Variants in KAT6A observed in about 807,000 individuals in gnomAD.
The protein encoded by KAT6A is histone acetyltransferase KAT6A.
Under a neutral mutation model 198.4 loss-of-function variants are expected in KAT6A, and 9 were observed. The ratio of observed to expected loss-of-function variants is 0.05; its 90% CI spans 0.03 to 0.08. KAT6A has a LOEUF of 0.08. KAT6A is among the 10% of genes least tolerant of loss of function. KAT6A has a pLI of 1.00. For missense variants in KAT6A, 2,077 were observed against 2,509.9 expected, an observed-to-expected ratio of 0.83 and a Z score of 3.69; for synonymous variants, 890 against 883.0, an observed-to-expected ratio of 1.01 and a Z score of -0.14.
chr8:41,987,437 CAG>C lies in KAT6A; in HGVS notation c.709+16_709+17del, dbSNP rs1824674338. On this transcript the variant is annotated intron_variant, in intron 3 of 16. Transcript: ENST00000265713. ...TTCGTAACACATTTTAGAAGAAAAA[CAG>C]AAGGAAATCACATACCACTGTTGCC... The C allele has an allele frequency of 1.4e-6, 2 of 1,473,844 alleles. No individual in the cohort carries two copies. The highest frequency in any genetic ancestry group is 1.4e-5 in the African/African-American group (1 of 71,384). The allele number at this position is 1,473,844 out of a possible 1,614,324, so 91.3% of individuals were successfully genotyped here. A position where few individuals can be genotyped will look rare whatever the true frequency, so the allele number is the denominator to read the frequency against.
At chr8:42,045,197 T>C (rs888669397) in intron 2 of KAT6A, among the ~76,000 whole-genome samples, 1 of 152,148 alleles carries the variant, frequency 6.6e-6, no homozygotes, top group Non-Finnish European at 1.5e-5. Context: ...AGTTTTCCAA[T>C]GAGATTAGTA....
At chr8:41,949,941 T>C (rs1162880511) in intron 9 of KAT6A, among the ~76,000 whole-genome samples, 2 of 152,196 alleles carry the variant, frequency 1.3e-5, no homozygotes, top group African/African-American at 4.8e-5. Context: ...TAAACTGTCA[T>C]TCAATTCAGC....
intron 8 of KAT6A, among the ~76,000 whole-genome samples, chr8:41,960,714 T>C (rs12550098): frequency 0.1 from 15,919 of 152,026 alleles, 1,068 homozygotes; most frequent in East Asian, 0.24. Flanking sequence ...CCATTAAATA[T>C]TGACAAAATC....
In KAT6A at chr8:42,049,056, A is replaced by G; in HGVS notation, c.-79T>C. 1 of 1,442,356 alleles carries G rather than the reference A, an allele frequency of 6.9e-7. No individual in the cohort carries two copies. The highest frequency in any genetic ancestry group is 1.4e-5 in the South Asian group (1 of 74,060). The allele number at this position is 1,442,356 out of a possible 1,614,324, so 89.3% of individuals were successfully genotyped here. On this transcript the variant is annotated 5_prime_UTR_variant, in exon 2 of 17. Coordinates refer to ENST00000265713, the MANE Select transcript of KAT6A (RefSeq NM_006766.5). The stretch of plus-strand genomic sequence containing the variant: ...TAAGTTTTACACCATGGAAAACAAG[A>G]TTCTCGGAGGCTGGGAACCAGTTAA...
At chr8:42,031,672 C>G (rs1027530003) in intron 2 of KAT6A, among the ~76,000 whole-genome samples, 1 of 135,136 alleles carries the variant, frequency 7.4e-6, no homozygotes, top group Non-Finnish European at 1.5e-5. Flanking sequence ...CTCTGTCGCC[C>G]AGGCTGAAGT....
chr8:42,048,699 A>G lies in KAT6A; in HGVS notation c.279T>C (p.Asn93=). 3 of 1,614,178 alleles carry G rather than the reference A, an allele frequency of 1.9e-6. No homozygotes were observed. Among genetic ancestry groups the G allele is most frequent in the Non-Finnish European group, 2.5e-6 (3 of 1,180,018 alleles). The stretch of plus-strand genomic sequence containing the variant: ...GTTTATTCCAATCCACATTTTGTTT[A>G]TTATCCAATTTTCCATGGTTCCGAG... The part of the protein sequence containing the change: ...PKPRNHGKLD[N]KQNVDWNKLI... Residue 93 remains asparagine (N), a synonymous_variant, in exon 2 of 17, where the codon AAT becomes AAC. Coordinates refer to ENST00000265713, the MANE Select transcript of KAT6A (RefSeq NM_006766.5).
At chr8:41,966,145 T>C (rs1311914852) in intron 8 of KAT6A, among the ~76,000 whole-genome samples, 2 of 152,072 alleles carry the variant, frequency 1.3e-5, no homozygotes, top group Non-Finnish European at 2.9e-5. Flanking sequence ...CACTATGCCA[T>C]TCATGCAGTG....
At chr8:42,045,789 T>C (rs1233718474) in intron 2 of KAT6A, among the ~76,000 whole-genome samples, 1 of 139,364 alleles carries the variant, frequency 7.2e-6, no homozygotes, top group Admixed American at 7.5e-5. Context: ...CTAGCCAACA[T>C]GGTGAAACCC....
Position 41,934,440 on chromosome 8 carries a change from A to C in KAT6A, c.3780T>G (p.Ser1260Arg). The C allele has an allele frequency of 6.2e-7, 1 of 1,608,202 alleles. No homozygotes were observed. The highest frequency in any genetic ancestry group is 8.5e-7 in the Non-Finnish European group (1 of 1,177,054). Residue 1260 changes from serine (S) to arginine (R), a missense_variant, in exon 17 of 17, where the codon AGT becomes AGG. By Grantham distance (110) the Ser-to-Arg change is moderately radical (BLOSUM62 -1). Transcript: ENST00000265713. ...PAASPADSSN[S>R]PETETKEPEV... Reference sequence around the variant, plus strand: ...CAGGCTCCTTGGTTTCGGTCTCAGGACTATTGCTGCTGTCTGCTGGAGAGG... The same window carrying C: ...CAGGCTCCTTGGTTTCGGTCTCAGGCCTATTGCTGCTGTCTGCTGGAGAGG...
chr8:41,944,725 C>T (rs1002684172), intron 12 of KAT6A, among the ~76,000 whole-genome samples: 6 of 152,220 alleles, frequency 3.9e-5, no homozygotes, highest in African/African-American at 1.4e-4. Context: ...ATACCATACA[C>T]ACACACCCCC....
chr8:41,984,326 C>G (rs1824500344), intron 3 of KAT6A, among the ~76,000 whole-genome samples: 1 of 152,190 alleles, frequency 6.6e-6, no homozygotes, highest in South Asian at 2.1e-4. Context: ...CTCAGACACT[C>G]ATCGGGGGAG....
intron 8 of KAT6A, among the ~76,000 whole-genome samples, chr8:41,973,212 C>T (rs1232577780): frequency 6.6e-6 from 1 of 152,114 alleles, no homozygotes; most frequent in Non-Finnish European, 1.5e-5. Context: ...CTAGAACCCT[C>T]GGCATCAGCC....
At chr8:41,942,406 A>G (rs1389679605) in intron 14 of KAT6A, 1 of 264,956 alleles carries the variant, frequency 3.8e-6, no homozygotes, top group Non-Finnish European at 7.3e-6. Context: ...TGGGCCTCCT[A>G]AAGCGCTGAG....
In KAT6A at chr8:42,036,612, C is replaced by CA. The variant is rs953406602; in HGVS notation, c.600+11765dup. 2.0e-4 allele frequency among the ~76,000 whole-genome samples: 29 copies of CA among 144,186 alleles called. No homozygotes were observed. In the East Asian group the frequency reaches 2.8e-3, roughly 14 times the overall value. The allele number at this position is 144,186 out of a possible 152,430, so 94.6% of individuals were successfully genotyped here. On this transcript the variant is annotated intron_variant, in intron 2 of 16. Coordinates refer to ENST00000265713, the MANE Select transcript of KAT6A (RefSeq NM_006766.5). ...TGGGTGACAGAGCAAGACTCCAACT[C>CA]AAAAAAAAAAGGAGAAGGTGGTAAA...
chr8:41,938,401 C>G (rs1821950194), intron 15 of KAT6A, among the ~76,000 whole-genome samples: 1 of 152,146 alleles, frequency 6.6e-6, no homozygotes. Context: ...TGACAAAGAT[C>G]TATTCTTCAT....
chr8:41,940,975 A>G lies in KAT6A; in HGVS notation c.2906T>C (p.Leu969Pro). The G allele has an allele frequency of 6.2e-7, 1 of 1,614,172 alleles. No individual in the cohort carries two copies. Among genetic ancestry groups the G allele is most frequent in the Non-Finnish European group, 8.5e-7 (1 of 1,180,036 alleles). Residue 969 changes from leucine (L) to proline (P), a missense_variant, in exon 15 of 17, where the codon CTG (leucine) becomes CCG (proline). Physicochemically the swap from Leu to Pro is moderately conservative, Grantham distance 98. Transcript: ENST00000265713. ...GTCACCCTCACTGTAGCGACGGGGC[A>G]GCCTCTCACTTCCTTCTGTTAATCT... ...KCRLTEGSERLPRRYSEGDRA... is the reference protein window; with the variant it reads ...KCRLTEGSERPPRRYSEGDRA...
At chr8:42,027,345 T>C (rs1658821755) in intron 2 of KAT6A, among the ~76,000 whole-genome samples, 1 of 152,198 alleles carries the variant, frequency 6.6e-6, no homozygotes, top group African/African-American at 2.4e-5. Context: ...TTTGGAATAG[T>C]TTGAGAAAAA....
chr8:41,934,091 G>T lies in KAT6A; in HGVS notation c.4129C>A (p.Gln1377Lys), dbSNP rs905649225. The T allele has an allele frequency of 6.2e-7, 1 of 1,613,966 alleles. No individual in the cohort carries two copies. The highest frequency in any genetic ancestry group is 1.3e-5 in the African/African-American group (1 of 74,924). The change falls in exon 17 of 17, where the codon CAG (glutamine) becomes AAG (lysine). Residue 1377 changes from glutamine (Q) to lysine (K), a missense_variant. This residue lies in a region of KAT6A where 178 missense variants were observed against 220.8 expected (regional missense o/e 0.81). Transcript: ENST00000265713. The stretch of plus-strand genomic sequence containing the variant: ...ACCACGGACGTGTCATGGGAAGGCT[G>T]CTCCTCTTCGGAATCCAGCTCGGTT... ...EETELDSEEE[Q>K]PSHDTSVVSE...
In KAT6A at chr8:41,954,360, T is replaced by C. The variant is rs1258827507; in HGVS notation, c.1598+936A>G. ...TTTTGCTAATATTTTGGCCAGGCAA[T>C]GTTACTACATGGGTGAAAACTTACA... On this transcript the variant is annotated intron_variant, in intron 9 of 16. Coordinates refer to ENST00000265713, the MANE Select transcript of KAT6A (RefSeq NM_006766.5). Among the ~76,000 whole-genome samples the C allele has an allele frequency of 2.0e-5, 3 of 152,366 alleles. No homozygotes were observed. The East Asian group carries it at 5.8e-4, about 29-fold the overall frequency.
Sources: allele counts gnomAD v4.1 joint callset (sites outside exome capture counted in the v4.1 genomes callset), GRCh38; gene constraint gnomAD v4.1.1; regional missense constraint gnomAD v4.1.1; transcripts MANE v1.5; gene names NCBI Gene and HGNC (gene_info 2026-07-23, HGNC 2026-07-21).